The following PACSIN2 variants were observed in gnomAD, a reference collection of about 807,000 sequenced individuals.
PACSIN2 encodes protein kinase C and casein kinase substrate in neurons protein 2.
In PACSIN2, 25 loss-of-function variants were observed where a neutral mutation model predicts 63.8. That is an observed-to-expected ratio of 0.39 (90% CI 0.29 to 0.55). PACSIN2 has a LOEUF of 0.55. Ranked by LOEUF, PACSIN2 falls within the 20% of genes least tolerant of loss-of-function variation. PACSIN2 has a pLI of 0.62. For synonymous variants in PACSIN2, 255 were observed against 256.2 expected, an observed-to-expected ratio of 1.00 and a Z score of 0.05; for missense variants, 518 against 646.9, an observed-to-expected ratio of 0.80 and a Z score of 2.16.
At chr22:42,905,570 T>G (rs1299392975) in intron 2 of PACSIN2, among the ~76,000 whole-genome samples, 1 of 152,216 alleles carries the variant, frequency 6.6e-6, no homozygotes, top group African/African-American at 2.4e-5. Context: ...CCTGCGACGG[T>G]GCACCCCAAA....
At chr22:42,960,113 AC>A (rs554050597) in intron 1 of PACSIN2, among the ~76,000 whole-genome samples, 3 of 151,652 alleles carry the variant, frequency 2.0e-5, no homozygotes, top group Non-Finnish European at 4.4e-5. Flanking sequence ...AATTCATACT[AC>A]CCCCTCCCCA....
At chr22:42,973,790 C>T (rs908267596) in intron 1 of PACSIN2, among the ~76,000 whole-genome samples, 6 of 152,246 alleles carry the variant, frequency 3.9e-5, no homozygotes, top group African/African-American at 1.4e-4. Flanking sequence ...CCCTCATTGC[C>T]CTTGTTTCCT....
At chr22:42,904,330 G>A (rs887699825) in intron 2 of PACSIN2, among the ~76,000 whole-genome samples, 11 of 152,186 alleles carry the variant, frequency 7.2e-5, no homozygotes, top group African/African-American at 2.7e-4. Flanking sequence ...TGGGTCTCTG[G>A]GAAGACATGC....
intron 1 of PACSIN2, chr22:42,993,602 G>A (rs1306617708): frequency 1.3e-5 from 2 of 152,230 alleles, no homozygotes; most frequent in South Asian, 2.1e-4. Context: ...CCCTTCCCAA[G>A]AAAGGGCAGC....
chr22:42,969,916 GAA>G (rs1921119482), intron 1 of PACSIN2, among the ~76,000 whole-genome samples: 1 of 89,498 alleles, frequency 1.1e-5, no homozygotes, highest in South Asian at 3.6e-4. Context: ...AAAAAAAAAA[GAA>G]AAAGAAAAAA....
intron 6 of PACSIN2, among the ~76,000 whole-genome samples, chr22:42,883,433 C>G (rs907606929): frequency 1.3e-5 from 2 of 152,238 alleles, no homozygotes; most frequent in African/African-American, 4.8e-5. Context: ...CGTGACGCAT[C>G]CCTACACGGT....
intron 1 of PACSIN2, among the ~76,000 whole-genome samples, chr22:42,934,545 C>A (rs1932852113): frequency 6.6e-6 from 1 of 152,260 alleles, no homozygotes; most frequent in African/African-American, 2.4e-5. Flanking sequence ...CCCTCATGGG[C>A]TGGCCCTGAT....
intron 1 of PACSIN2, among the ~76,000 whole-genome samples, chr22:42,982,302 C>T (rs1161389369): frequency 3.6e-5 from 3 of 82,398 alleles, no homozygotes; most frequent in Non-Finnish European, 7.1e-5. Context: ...AGGTGAGGGG[C>T]GCTTCTGCCC....
intron 6 of PACSIN2, among the ~76,000 whole-genome samples, chr22:42,884,005 CAA>C (rs113630394): frequency 5.2e-5 from 7 of 134,026 alleles, no homozygotes; most frequent in African/African-American, 5.5e-5. Flanking sequence ...GACTCCGTCT[CAA>C]AAAAAAAAAA....
At chr22:42,947,675 T>TGG (rs148517295) in intron 1 of PACSIN2, among the ~76,000 whole-genome samples, 2,953 of 78,138 alleles carry the variant, frequency 0.038, 114 homozygotes, top group African/African-American at 0.1. Context: ...CCCCTGGGGG[T>TGG]GGGGGGGGGG....
At chr22:42,886,119 C>T (rs1376994741) in intron 5 of PACSIN2, among the ~76,000 whole-genome samples, 1 of 152,168 alleles carries the variant, frequency 6.6e-6, no homozygotes, top group Admixed American at 6.5e-5. Context: ...GATGCTCCAC[C>T]TCTGGGCTGC....
intron 1 of PACSIN2, among the ~76,000 whole-genome samples, chr22:42,915,529 T>C (rs902747584): frequency 6.6e-6 from 1 of 152,210 alleles, no homozygotes; most frequent in East Asian, 1.9e-4. Flanking sequence ...GTATCCCCTG[T>C]GGCCACAGCT....
intron 8 of PACSIN2, among the ~76,000 whole-genome samples, chr22:42,877,347 C>T (rs533572385): frequency 2.6e-5 from 4 of 152,100 alleles, no homozygotes; most frequent in Non-Finnish European, 5.9e-5. Flanking sequence ...TCTCCTCTGT[C>T]CTGACTCCCA....
chr22:42,940,796 G>A (rs1387839180), intron 1 of PACSIN2, among the ~76,000 whole-genome samples: 1 of 152,246 alleles, frequency 6.6e-6, no homozygotes, highest in African/African-American at 2.4e-5. Flanking sequence ...AAATGTGTCT[G>A]TCAAGAATAG....
chr22:42,941,430 T>C (rs1396260616), intron 1 of PACSIN2, among the ~76,000 whole-genome samples: 1 of 152,232 alleles, frequency 6.6e-6, no homozygotes, highest in African/African-American at 2.4e-5. Context: ...TGCTGGGTCA[T>C]AATGAGAAAC....
chr22:42,945,025 G>A (rs1440475467), intron 1 of PACSIN2, among the ~76,000 whole-genome samples: 1 of 151,764 alleles, frequency 6.6e-6, no homozygotes, highest in African/African-American at 2.4e-5. Flanking sequence ...TTGAACCTGG[G>A]AGGCAGAGGT....
At chr22:42,880,730 A>G (rs546179051) in intron 7 of PACSIN2, 3 of 152,362 alleles carry the variant, frequency 2.0e-5, no homozygotes, top group Admixed American at 6.5e-5. Flanking sequence ...TTCCCAGCCC[A>G]TGGACCCACA....
chr22:42,996,219 CA>C (rs35321753), intron 1 of PACSIN2, among the ~76,000 whole-genome samples: 3 of 146,602 alleles, frequency 2.0e-5, no homozygotes, highest in Admixed American at 6.8e-5. Context: ...GACTCCGTCT[CA>C]AAAAAAAAAT....
intron 1 of PACSIN2, chr22:42,946,983 G>A (rs946527860): frequency 2.0e-5 from 3 of 152,178 alleles, no homozygotes; most frequent in Admixed American, 6.5e-5. Context: ...GAGCAGCCAC[G>A]GCCACATACT....
Sources: gnomAD v4.1 joint callset for allele counts (sites outside exome capture counted in the v4.1 genomes callset) on GRCh38, gnomAD v4.1.1 for gene constraint, MANE v1.5 for transcripts, NCBI Gene and HGNC (gene_info 2026-07-23, HGNC 2026-07-21) for gene names.